Variants in NRK observed in about 807,000 individuals in gnomAD.
NRK encodes the protein Nik related kinase, also known as nik-related protein kinase.
A neutral mutation model predicts 125.2 loss-of-function variants in NRK; 67 were observed. That is an observed-to-expected ratio of 0.54 (90% CI 0.44 to 0.66). The LOEUF is 0.66. NRK is among the 30% of genes least tolerant of loss of function. NRK has a pLI of 0.00. For missense variants in NRK, 1,224 were observed against 1,192.9 expected (o/e 1.03, Z -0.38); for synonymous variants, 458 against 429.0 (o/e 1.07, Z -0.84).
chrX:105,852,501 A>G (rs990023119), intron 2 of NRK, among the ~76,000 whole-genome samples: 4 of 112,016 alleles, frequency 3.6e-5, no homozygotes, highest in Non-Finnish European at 7.5e-5. Flanking sequence ...TGTGGTTTTG[A>G]TTAATCTGCC....
intron 2 of NRK, among the ~76,000 whole-genome samples, chrX:105,873,639 T>G (rs759892567): frequency 1.8e-5 from 2 of 112,111 alleles, no homozygotes; most frequent in Non-Finnish European, 3.8e-5. Flanking sequence ...GTCTTCTCTC[T>G]ATGACATTTC....
chrX:105,875,100 C>T (rs1382867611), intron 2 of NRK, among the ~76,000 whole-genome samples: 1 of 111,116 alleles, frequency 9.0e-6, no homozygotes. Context: ...ATTTGAGATC[C>T]AATAATTTAT....
Position 105,937,484 on chromosome X carries a change from A to G in NRK, c.3701A>G (p.Asp1234Gly), listed in dbSNP as rs973647825. 3.3e-6 allele frequency: 4 copies of G among 1,194,689 alleles called. No individual in the cohort carries two copies. The highest frequency in any genetic ancestry group is 4.5e-6 in the Non-Finnish European group (4 of 881,845). ...LGTRSNLYLMDRSGKADITKL... is the reference protein window; with the variant it reads ...LGTRSNLYLMGRSGKADITKL... Reference sequence around the variant, plus strand: ...ACCCGATCTAATCTATATCTGATGGACAGAAGTGGAAAGGCTGACATTACT... The same window carrying G: ...ACCCGATCTAATCTATATCTGATGGGCAGAAGTGGAAAGGCTGACATTACT... Residue 1234 changes from aspartate (D) to glycine (G), a missense_variant, in exon 22 of 29, where the codon GAC becomes GGC. Physicochemically the swap from Asp to Gly is moderately conservative, Grantham distance 94. Transcript: ENST00000243300.
intron 2 of NRK, among the ~76,000 whole-genome samples, chrX:105,842,449 T>C (rs747452941): frequency 8.1e-5 from 9 of 111,677 alleles, no homozygotes; most frequent in Admixed American, 3.8e-4. Flanking sequence ...CCTGTTTTAT[T>C]GCTTCTACTG....
rs1294204367 is a variant in NRK, at chrX:105,895,429, A to G, written c.490-4A>G. On this transcript the variant is annotated splice_region_variant and splice_polypyrimidine_tract_variant and intron_variant, in intron 6 of 28. Coordinates refer to ENST00000243300, the MANE Select transcript of NRK (RefSeq NM_198465.4). ...TGATGTGGCTTTTTAAAAAATATAT[A>G]CAGGGCTTAGCTCACCTTCACGCAC... 1 of 1,177,898 alleles carries G rather than the reference A, an allele frequency of 8.5e-7. No individual in the cohort carries two copies. The highest frequency in any genetic ancestry group is 1.2e-6 in the Non-Finnish European group (1 of 864,966).
chrX:105,867,729 CTTA>C (rs2039690567), intron 2 of NRK, among the ~76,000 whole-genome samples: 1 of 111,489 alleles, frequency 9.0e-6, no homozygotes, highest in South Asian at 3.7e-4. Flanking sequence ...CATCCAGAGG[CTTA>C]TTATTATAGC....
rs191529459 is a variant in NRK at position 105,894,814 on chromosome X, G to A, written c.490-619G>A. ...AATAAGGGCTCAATAAATGTTAGCAGTTTTATTGTTACTTTATTATGAATC... is the reference window on the plus strand; with the variant it reads ...AATAAGGGCTCAATAAATGTTAGCAATTTTATTGTTACTTTATTATGAATC... On this transcript the variant is annotated intron_variant, in intron 6 of 28. Transcript: ENST00000243300. Among the ~76,000 whole-genome samples the A allele has an allele frequency of 7.1e-5, 8 of 111,990 alleles. No individual in the cohort carries two copies. The East Asian group carries it at 2.2e-3, about 31-fold the overall frequency.
intron 2 of NRK, among the ~76,000 whole-genome samples, chrX:105,832,895 G>C (rs1440973401): frequency 9.1e-6 from 1 of 110,455 alleles, no homozygotes; most frequent in African/African-American, 3.3e-5. Flanking sequence ...AGGTGCAGTG[G>C]GTGTGCACCT....
chrX:105,844,009 G>C (rs1210210944), intron 2 of NRK, among the ~76,000 whole-genome samples: 6 of 88,277 alleles, frequency 6.8e-5, no homozygotes, highest in Non-Finnish European at 8.5e-5. Context: ...GTGTGTGTGT[G>C]TGTGTGTGTC....
intron 2 of NRK, among the ~76,000 whole-genome samples, chrX:105,863,321 G>GACACACACACACACACACACAC (rs769445045): frequency 3.3e-5 from 2 of 60,457 alleles, no homozygotes; most frequent in African/African-American, 1.5e-4. Context: ...AATAGTAACA[G>GACACACACACACACACACACAC]ACACACACAC....
At chrX:105,875,013 G>T (rs969574453) in intron 2 of NRK, among the ~76,000 whole-genome samples, 7 of 111,383 alleles carry the variant, frequency 6.3e-5, no homozygotes, top group African/African-American at 2.3e-4. Context: ...ATTAATCAGG[G>T]AAGTTTTTTA....
chrX:105,840,737 A>G (rs1378286971), intron 2 of NRK, among the ~76,000 whole-genome samples: 1 of 110,855 alleles, frequency 9.0e-6, no homozygotes, highest in African/African-American at 3.3e-5. Context: ...TTATAGAGTG[A>G]TGAGGGTGGG....
At chrX:105,924,589 G>A (rs1021428759) in intron 18 of NRK, 106 bp from the exon 19 acceptor site, 3 of 615,891 alleles carry the variant, frequency 4.9e-6, no homozygotes, top group African/African-American at 4.6e-5. Context: ...ACAAGCCTGG[G>A]CATGGTAGAT....
In NRK at chrX:105,957,030, C is replaced by T. The variant is rs2040986604; in HGVS notation, c.*1430C>T. On this transcript the variant is annotated 3_prime_UTR_variant, in exon 29 of 29. Transcript: ENST00000243300. ...TTAACCAAAATACAAAAGCAGCTGA[C>T]TATGTGTGATTTCATAATAGCACAT... 1.8e-5 allele frequency: 2 copies of T among 112,401 alleles called. No individual in the cohort carries two copies. The highest frequency in any genetic ancestry group is 7.3e-4 in the South Asian group (2 of 2,723). The allele number at this position is 112,401 out of a possible 1,213,427, so 9.3% of individuals were successfully genotyped here. A position where few individuals can be genotyped will look rare whatever the true frequency, so the allele number is the denominator to read the frequency against.
In NRK at chrX:105,945,501, C is replaced by G. The variant is rs934216330; in HGVS notation, c.4060-371C>G. ...TCTGAGTCAACCCTAAGACAAATCA[C>G]GTCACATCCCTGATCTGATCTCCCT... On this transcript the variant is annotated intron_variant, in intron 24 of 28. Coordinates refer to ENST00000243300, the MANE Select transcript of NRK (RefSeq NM_198465.4). 4.5e-5 allele frequency among the ~76,000 whole-genome samples: 5 copies of G among 111,817 alleles called. No homozygotes were observed. In the Admixed American group the frequency reaches 4.7e-4, roughly 11 times the overall value.
intron 2 of NRK, among the ~76,000 whole-genome samples, chrX:105,868,851 C>A (rs2039706089): frequency 9.1e-6 from 1 of 109,600 alleles, no homozygotes. Context: ...ATGTCATAGG[C>A]AAATCCAGCA....
intron 11 of NRK, chrX:105,907,776 G>A (rs890960523): frequency 8.9e-6 from 1 of 112,335 alleles, no homozygotes. Context: ...TACAGCTGAT[G>A]ATAGGAAAGA....
intron 4 of NRK, among the ~76,000 whole-genome samples, chrX:105,886,048 C>A (rs1190587819): frequency 9.1e-6 from 1 of 110,213 alleles, no homozygotes; most frequent in African/African-American, 3.3e-5. Flanking sequence ...TGACTGACAT[C>A]ACACTGTCTT....
intron 9 of NRK, 135 bp from the exon 10 acceptor site, chrX:105,905,129 CT>C: frequency 6.7e-6 from 3 of 447,476 alleles, no homozygotes; most frequent in Non-Finnish European, 1.2e-5. Flanking sequence ...GAAATACATT[CT>C]TTTGTATCTA....
Sources: gnomAD v4.1 joint callset for allele counts (sites outside exome capture counted in the v4.1 genomes callset) on GRCh38, gnomAD v4.1.1 for gene constraint, MANE v1.5 for transcripts, NCBI Gene and HGNC (gene_info 2026-07-23, HGNC 2026-07-21) for gene names.